NCOA1: variants seen among roughly 807,000 people sequenced by gnomAD.
NCOA1 encodes the protein Hin-2 protein.
A neutral mutation model predicts 150.9 loss-of-function variants in NCOA1; 35 were observed. The ratio of observed to expected loss-of-function variants is 0.23; its 90% CI spans 0.18 to 0.31. The LOEUF (loss-of-function observed/expected upper bound fraction) is 0.31, where lower values mean the gene tolerates loss of function less well. NCOA1 is among the 10% of genes least tolerant of loss of function. The probability of loss-of-function intolerance (pLI) is 1.00; values close to 1 mark genes in which losing one functional copy is unlikely to be tolerated. For synonymous variants in NCOA1, 590 were observed against 630.0 expected (o/e 0.94, Z 0.95); for missense variants, 1,491 against 1,749.3 (o/e 0.85, Z 2.63).
chr2:24,618,391 T>G (rs1668967788), intron 3 of NCOA1, among the ~76,000 whole-genome samples: 1 of 152,222 alleles, frequency 6.6e-6, no homozygotes, highest in Non-Finnish European at 1.5e-5. Context: ...TTTAAGTGGC[T>G]ATATATTAAA....
chr2:24,506,836 T>A (rs1332706039), intron 1 of NCOA1, among the ~76,000 whole-genome samples: 1 of 152,230 alleles, frequency 6.6e-6, no homozygotes, highest in Non-Finnish European at 1.5e-5. Flanking sequence ...AATCAGTTTT[T>A]ACTTGGACCA....
At chr2:24,574,193 TA>T (rs552621696) in intron 2 of NCOA1, among the ~76,000 whole-genome samples, 1 of 152,080 alleles carries the variant, frequency 6.6e-6, no homozygotes, top group Non-Finnish European at 1.5e-5. Context: ...GTTTAAAAAA[TA>T]GTAAGCGAAT....
intron 3 of NCOA1, among the ~76,000 whole-genome samples, chr2:24,628,844 G>T (rs142882357): frequency 6.6e-6 from 1 of 152,150 alleles, no homozygotes; most frequent in African/African-American, 2.4e-5. Flanking sequence ...GACCAGTGTG[G>T]TTAAAGCATA....
chr2:24,747,775 CA>C (rs1664010272), intron 19 of NCOA1, among the ~76,000 whole-genome samples: 1 of 151,250 alleles, frequency 6.6e-6, no homozygotes, highest in Admixed American at 6.6e-5. Flanking sequence ...GGTGGCAAAA[CA>C]AAAACAAAAA....
intron 1 of NCOA1, among the ~76,000 whole-genome samples, chr2:24,537,480 GTA>G (rs1440090533): frequency 7.4e-5 from 11 of 149,374 alleles, no homozygotes; most frequent in African/African-American, 2.0e-4. Context: ...TATAATATAT[GTA>G]TGTGTGTGTG....
intron 2 of NCOA1, among the ~76,000 whole-genome samples, chr2:24,579,046 G>T (rs147538422): frequency 2.3e-4 from 35 of 152,190 alleles, no homozygotes; most frequent in African/African-American, 6.0e-4. Flanking sequence ...AAAATTATTA[G>T]TAGTATTTTT....
At position 24,557,353 on chromosome 2, in the gene NCOA1, CT is replaced by C. The variant is rs539909887; in HGVS notation, c.-395-6940del. 1.2e-4 allele frequency among the ~76,000 whole-genome samples: 19 copies of C among 152,130 alleles called. No homozygotes were observed. In the South Asian group the frequency reaches 4.0e-3, roughly 32 times the overall value. ...TTATGCCATGTTGTTACACATTTTA[CT>C]TCTATATGTTACTAACCCTACAATG... On this transcript the variant is annotated intron_variant, in intron 1 of 22. Coordinates refer to ENST00000348332, the MANE Select transcript of NCOA1 (RefSeq NM_003743.5).
chr2:24,744,040 T>G (rs1049898124), intron 19 of NCOA1, among the ~76,000 whole-genome samples: 1 of 152,232 alleles, frequency 6.6e-6, no homozygotes, highest in Non-Finnish European at 1.5e-5. Context: ...GTGCCCCGGT[T>G]CTCATGAAAT....
chr2:24,673,734 G>T (rs1173380007), intron 7 of NCOA1, among the ~76,000 whole-genome samples: 1 of 152,042 alleles, frequency 6.6e-6, no homozygotes, highest in African/African-American at 2.4e-5. Context: ...TTATTTCTGT[G>T]GTGGTTAGGC....
At chr2:24,693,948 C>T (rs1036037047) in intron 10 of NCOA1, among the ~76,000 whole-genome samples, 9 of 152,088 alleles carry the variant, frequency 5.9e-5, no homozygotes, top group African/African-American at 2.2e-4. Flanking sequence ...GGAGCTGATA[C>T]TGAGCCCCAA....
At chr2:24,555,388 C>T (rs982984180) in intron 1 of NCOA1, among the ~76,000 whole-genome samples, 2 of 152,016 alleles carry the variant, frequency 1.3e-5, no homozygotes, top group Non-Finnish European at 2.9e-5. Context: ...GAATACGGTC[C>T]ATGTTGGTGA....
intron 19 of NCOA1, among the ~76,000 whole-genome samples, chr2:24,751,204 G>A (rs1664217613): frequency 6.6e-6 from 1 of 150,950 alleles, no homozygotes; most frequent in African/African-American, 2.4e-5. Flanking sequence ...GACCTCAGGT[G>A]ATCCACCCAC....
intron 3 of NCOA1, among the ~76,000 whole-genome samples, chr2:24,627,472 CAGTT>C (rs1409651023): frequency 1.3e-5 from 2 of 152,146 alleles, no homozygotes; most frequent in Admixed American, 6.5e-5. Context: ...CTGTCGTTGT[CAGTT>C]AGCAGTGTGG....
intron 19 of NCOA1, among the ~76,000 whole-genome samples, chr2:24,749,075 T>C (rs1664085532): frequency 6.6e-6 from 1 of 152,234 alleles, no homozygotes; most frequent in Admixed American, 6.5e-5. Context: ...CATTAAACAT[T>C]TTTTAAAAAA....
At chr2:24,714,202 G>C (rs1428411468) in intron 14 of NCOA1, among the ~76,000 whole-genome samples, 1 of 152,100 alleles carries the variant, frequency 6.6e-6, no homozygotes, top group African/African-American at 2.4e-5. Flanking sequence ...AAAGGATCAA[G>C]CTTATGTACA....
chr2:24,665,506 T>A (rs1283369980), intron 5 of NCOA1, among the ~76,000 whole-genome samples: 1 of 152,224 alleles, frequency 6.6e-6, no homozygotes, highest in Non-Finnish European at 1.5e-5. Flanking sequence ...GTATATATGA[T>A]TGGGGAAATA....
chr2:24,763,537 CAA>C (rs35265100), intron 22 of NCOA1, among the ~76,000 whole-genome samples: 201 of 80,818 alleles, frequency 2.5e-3, no homozygotes, highest in Middle Eastern at 7.6e-3. Flanking sequence ...GACTCCATCT[CAA>C]AAAAAAAAAA....
chr2:24,527,504 T>C (rs1424457442), intron 1 of NCOA1, among the ~76,000 whole-genome samples: 7 of 152,216 alleles, frequency 4.6e-5, no homozygotes, highest in Non-Finnish European at 8.8e-5. Context: ...TTTTAAGGCT[T>C]ACATAATATT....
chr2:24,524,278 T>G (rs1048829462), intron 1 of NCOA1, among the ~76,000 whole-genome samples: 1 of 152,166 alleles, frequency 6.6e-6, no homozygotes, highest in African/African-American at 2.4e-5. Flanking sequence ...TTTACTTACT[T>G]TTTTACTTAC....
Sources: allele counts gnomAD v4.1 joint callset (sites outside exome capture counted in the v4.1 genomes callset), GRCh38; gene constraint gnomAD v4.1.1; transcripts MANE v1.5; gene names NCBI Gene and HGNC (gene_info 2026-07-23, HGNC 2026-07-21).